Variants in PPA2 observed in about 807,000 individuals in gnomAD.
The protein encoded by PPA2 is inorganic pyrophosphatase 2, mitochondrial.
PPA2 carries 48 observed loss-of-function variants against 49.5 expected under a neutral mutation model. That is an observed-to-expected ratio of 0.97 (90% CI 0.77 to 1.23). The LOEUF is 1.23. PPA2 is among the 50% of genes most tolerant of loss of function. The pLI is 0.00. For missense variants in PPA2, 429 were observed against 410.1 expected (o/e 1.05, Z -0.40); for synonymous variants, 131 against 139.9 (o/e 0.94, Z 0.45).
At position 105,450,601 on chromosome 4, in the gene PPA2, C is replaced by CTTTTTTTTTTTTTTTTTTTTTT. The variant is rs575896250; in HGVS notation, c.268-1220_268-1199dup. On this transcript the variant is annotated intron_variant, in intron 3 of 11. Coordinates refer to ENST00000341695, the MANE Select transcript of PPA2 (RefSeq NM_176869.3). Reference sequence around the variant, plus strand: ...ATGCTGGCCAGGCTGGTCTGGAATTCTTTTTTTTTTTTTTTTTTTTTTTTG... The same window carrying CTTTTTTTTTTTTTTTTTTTTTT: ...ATGCTGGCCAGGCTGGTCTGGAATTCTTTTTTTTTTTTTTTTTTTTTTTTTTTTTTTTTTTTTTTTTTTTTTG... Among the ~76,000 whole-genome samples the CTTTTTTTTTTTTTTTTTTTTTT allele has an allele frequency of 3.1e-4, 26 of 82,656 alleles. 4 individuals carry two copies. The highest frequency in any genetic ancestry group is 8.0e-4 in the Admixed American group (5 of 6,220). The allele number at this position is 82,656 out of a possible 152,430, so 54.2% of individuals were successfully genotyped here. A position where few individuals can be genotyped will look rare whatever the true frequency, so the allele number is the denominator to read the frequency against.
In PPA2 at chr4:105,460,858, C is replaced by CATATATATATATATATATATATATATAT. The variant is rs746079683; in HGVS notation, c.158-4114_158-4113insATATATATATATATATATATATATATAT. Among the ~76,000 whole-genome samples the CATATATATATATATATATATATATATAT allele has an allele frequency of 1.5e-3, 221 of 144,948 alleles. 4 individuals carry two copies. The highest frequency in any genetic ancestry group is 5.8e-3 in the African/African-American group (209 of 36,344). On this transcript the variant is annotated intron_variant, in intron 1 of 11. Transcript: ENST00000341695. ...CAATACTTATTAAGATGTAAGATCA[C>CATATATATATATATATATATATATATAT]ATATATATATAGTTTTCTAATTGTC... is the stretch of plus-strand genomic sequence containing the variant.
At chr4:105,428,630 T>C (rs1475957847) in intron 6 of PPA2, among the ~76,000 whole-genome samples, 1 of 121,726 alleles carries the variant, frequency 8.2e-6, no homozygotes, top group East Asian at 2.4e-4. Context: ...TGAGAACACA[T>C]GGACACAGGG....
chr4:105,410,955 A>G (rs141951676), intron 7 of PPA2, among the ~76,000 whole-genome samples: 1,604 of 152,360 alleles, frequency 0.011, 31 homozygotes, highest in African/African-American at 0.034. Context: ...AGCCACTGCA[A>G]AAACATGCCA....
chr4:105,453,538 T>A, intron 3 of PPA2, 60 bp downstream of exon 3: 2 of 1,243,892 alleles, frequency 1.6e-6, no homozygotes, highest in Non-Finnish European at 2.2e-6. Context: ...CAAACTATCA[T>A]CAAGGTATTT....
At position 105,382,999 on chromosome 4, in the gene PPA2, T is replaced by A. The variant is rs537786393; in HGVS notation, c.939+3568A>T. Among the ~76,000 whole-genome samples, 4 of 97,872 alleles carry A rather than the reference T, an allele frequency of 4.1e-5. No homozygotes were observed. The East Asian group carries it at 1.4e-3, about 35-fold the overall frequency. The allele number at this position is 97,872 out of a possible 152,430, so 64.2% of individuals were successfully genotyped here. On this transcript the variant is annotated intron_variant, in intron 10 of 11. Transcript: ENST00000341695. ...GCCTGGGCGGCAGAGCAAGACCCTG[T>A]GTCTCAAAAAAAAATAATAATAATT...
chr4:105,452,057 T>G (rs1033050431), intron 3 of PPA2, among the ~76,000 whole-genome samples: 3 of 152,156 alleles, frequency 2.0e-5, no homozygotes, highest in African/African-American at 7.2e-5. Context: ...TTCTCTCCAT[T>G]TTTTTCCTTG....
chr4:105,426,869 T>C (rs1294477133), intron 6 of PPA2, among the ~76,000 whole-genome samples: 1 of 152,160 alleles, frequency 6.6e-6, no homozygotes, highest in Non-Finnish European at 1.5e-5. Context: ...AGCATGGCAT[T>C]TGAGCTCCGA....
chr4:105,382,419 T>C (rs1041152812), intron 10 of PPA2, among the ~76,000 whole-genome samples: 1 of 152,212 alleles, frequency 6.6e-6, no homozygotes, highest in Non-Finnish European at 1.5e-5. Context: ...CTCAAAATAA[T>C]ATTTAACTAA....
intron 10 of PPA2, among the ~76,000 whole-genome samples, chr4:105,373,489 G>T (rs1193907644): frequency 2.0e-5 from 3 of 151,952 alleles, no homozygotes; most frequent in Non-Finnish European, 4.4e-5. Context: ...TAGCTGTTTA[G>T]ATTTCCTGCT....
chr4:105,448,428 T>C (rs1260097948), intron 4 of PPA2, among the ~76,000 whole-genome samples: 1 of 152,126 alleles, frequency 6.6e-6, no homozygotes, highest in African/African-American at 2.4e-5. Flanking sequence ...AGAAGGTTTA[T>C]ATAACTAAAC....
chr4:105,456,284 T>C (rs1251973264), intron 2 of PPA2: 1 of 463,048 alleles, frequency 2.2e-6, no homozygotes, highest in East Asian at 6.5e-5. Context: ...GCCTTGAGCC[T>C]CAGTGTCCTT....
intron 6 of PPA2, among the ~76,000 whole-genome samples, chr4:105,435,487 C>T (rs1724009437): frequency 6.6e-6 from 1 of 152,002 alleles, no homozygotes; most frequent in African/African-American, 2.4e-5. Flanking sequence ...CATCAGAGCA[C>T]CCGGATTCAT....
At chr4:105,374,456 C>CTCATTATCTAAATGAGATA (rs1217031852) in intron 10 of PPA2, among the ~76,000 whole-genome samples, 3 of 152,202 alleles carry the variant, frequency 2.0e-5, no homozygotes, top group Non-Finnish European at 4.4e-5. Flanking sequence ...AAAAATCCTT[C>CTCATTATCTAAATGAGATA]TCATTATCTT....
intron 9 of PPA2, 123 bp from the exon 10 acceptor site, chr4:105,386,759 C>A: frequency 1.4e-6 from 1 of 708,586 alleles, no homozygotes; most frequent in South Asian, 1.9e-5. Context: ...TGAATAGAAA[C>A]TGAATGAATA....
At chr4:105,405,808 A>G (rs771587798) in intron 7 of PPA2, 3 of 480,220 alleles carry the variant, frequency 6.2e-6, no homozygotes, top group South Asian at 4.6e-5. Flanking sequence ...CAAAAATACA[A>G]AACAACATGT....
At chr4:105,443,703 C>G (rs1277620790) in intron 5 of PPA2, among the ~76,000 whole-genome samples, 1 of 151,906 alleles carries the variant, frequency 6.6e-6, no homozygotes, top group Non-Finnish European at 1.5e-5. Flanking sequence ...TAGTACAGAT[C>G]TCTAATTGAA....
chr4:105,423,334 T>G (rs1257668750), intron 7 of PPA2: 1 of 152,076 alleles, frequency 6.6e-6, no homozygotes, highest in Non-Finnish European at 1.5e-5. Context: ...ATCTTAGAAA[T>G]GGTAATATCT....
chr4:105,386,573 A>T lies in PPA2; in HGVS notation c.933T>A (p.Val311=), dbSNP rs1733692300. The T allele has an allele frequency of 6.2e-7, 1 of 1,610,744 alleles. No homozygotes were observed. Among genetic ancestry groups the T allele is most frequent in the South Asian group, 1.1e-5 (1 of 91,016 alleles). ...TTGGATGTTTGCCCCTTACCGATTCAACTAATGATCTTGCTTCCTCTTGAG... is the reference window on the plus strand; with the variant it reads ...TTGGATGTTTGCCCCTTACCGATTCTACTAATGATCTTGCTTCCTCTTGAG... ...RCTQEEARSL[V]ESVSSSPNKE... Residue 311 remains valine (V), a synonymous_variant, in exon 10 of 12, where the codon GTT becomes GTA. Coordinates refer to ENST00000341695, the MANE Select transcript of PPA2 (RefSeq NM_176869.3).
At position 105,369,107 on chromosome 4, in the gene PPA2, T is replaced by C. The variant is rs1464911774; in HGVS notation, c.*618A>G. 6.6e-6 allele frequency: 1 copy of C among 152,244 alleles called. No homozygotes were observed. Among genetic ancestry groups the C allele is most frequent in the Non-Finnish European group, 1.5e-5 (1 of 68,042 alleles). The allele number at this position is 152,244 out of a possible 1,614,324, so 9.4% of individuals were successfully genotyped here. A position where few individuals can be genotyped will look rare whatever the true frequency, so the allele number is the denominator to read the frequency against. On this transcript the variant is annotated 3_prime_UTR_variant, in exon 12 of 12. Transcript: ENST00000341695. ...AAAGTTTATTAATTTATTGAATCTGTGATTTTTACATCCAATCTACAGAAA... is the reference window on the plus strand; with the variant it reads ...AAAGTTTATTAATTTATTGAATCTGCGATTTTTACATCCAATCTACAGAAA...
Sources: gnomAD v4.1 joint callset for allele counts (sites outside exome capture counted in the v4.1 genomes callset) on GRCh38, gnomAD v4.1.1 for gene constraint, MANE v1.5 for transcripts, NCBI Gene and HGNC (gene_info 2026-07-23, HGNC 2026-07-21) for gene names.